SHTN1: variants seen among roughly 807,000 people sequenced by gnomAD.
The protein encoded by SHTN1 is shootin-1.
Under a neutral mutation model 83.1 loss-of-function variants are expected in SHTN1, and 42 were observed. The ratio of observed to expected loss-of-function variants is 0.51; its 90% CI spans 0.39 to 0.65. The LOEUF is 0.65. SHTN1 is among the 30% of genes least tolerant of loss of function. The probability of loss-of-function intolerance (pLI) is 0.00; values close to 1 mark genes in which losing one functional copy is unlikely to be tolerated. For missense variants in SHTN1, 622 were observed against 737.8 expected, an observed-to-expected ratio of 0.84 and a Z score of 1.82; for synonymous variants, 224 against 247.7, an observed-to-expected ratio of 0.90 and a Z score of 0.90.
At chr10:117,015,135 A>G (rs576296075) in intron 2 of SHTN1, among the ~76,000 whole-genome samples, 30 of 152,020 alleles carry the variant, frequency 2.0e-4, no homozygotes, top group Admixed American at 7.9e-4. Context: ...TTTGTAACAG[A>G]TATCTGTTTC....
chr10:116,982,194 G>C (rs754782482), intron 1 of SHTN1, among the ~76,000 whole-genome samples: 7 of 152,082 alleles, frequency 4.6e-5, no homozygotes, highest in Non-Finnish European at 7.3e-5. Context: ...ACTGACAATA[G>C]AACCCAGATG....
chr10:117,011,613 A>G, intron 2 of SHTN1, among the ~76,000 whole-genome samples: 1 of 152,246 alleles, frequency 6.6e-6, no homozygotes, highest in East Asian at 1.9e-4. Flanking sequence ...GATGCTCAAC[A>G]TCATTAGTCA....
At chr10:116,971,808 G>C (rs1850629480) in intron 2 of SHTN1, among the ~76,000 whole-genome samples, 2 of 152,190 alleles carry the variant, frequency 1.3e-5, no homozygotes, top group African/African-American at 2.4e-5. Flanking sequence ...TGGGAGTGTT[G>C]CTCCTGACTT....
chr10:116,995,102 C>T (rs1488129498), intron 1 of SHTN1, among the ~76,000 whole-genome samples: 1 of 152,088 alleles, frequency 6.6e-6, no homozygotes, highest in Non-Finnish European at 1.5e-5. Flanking sequence ...TAATGAACTC[C>T]CATCAGATCT....
intron 1 of SHTN1, among the ~76,000 whole-genome samples, chr10:117,098,226 A>T (rs1168942101): frequency 5.3e-4 from 2 of 3,758 alleles, no homozygotes; most frequent in Admixed American, 0.019. Flanking sequence ...GTCTCTACTA[A>T]AAAAAAAAAA....
At chr10:117,009,248 TGAA>T (rs1265484617), upstream of SHTN1, among the ~76,000 whole-genome samples, 6 of 151,816 alleles carry the variant, frequency 4.0e-5, no homozygotes, top group Non-Finnish European at 8.8e-5. Context: ...ATGAAGCAAA[TGAA>T]GAGCAAAAGA....
chr10:116,921,342 A>G, intron 12 of SHTN1, 92 bp downstream of exon 12: 1 of 862,046 alleles, frequency 1.2e-6, no homozygotes. Context: ...CTCTCCCAAC[A>G]ACATGTTTAT....
At chr10:117,013,402 G>T (rs940480328) in intron 2 of SHTN1, among the ~76,000 whole-genome samples, 4 of 152,262 alleles carry the variant, frequency 2.6e-5, no homozygotes, top group Non-Finnish European at 5.9e-5. Context: ...TCAAACTCTT[G>T]ATCTCAGGTG....
intron 15 of SHTN1, among the ~76,000 whole-genome samples, chr10:116,904,927 C>T (rs1481650962): frequency 2.0e-5 from 3 of 151,930 alleles, no homozygotes; most frequent in East Asian, 1.9e-4. Context: ...GTTGGCCGGG[C>T]GCGGTGGCTC....
At chr10:116,932,914 C>T (rs1849022705) in intron 9 of SHTN1, among the ~76,000 whole-genome samples, 1 of 152,174 alleles carries the variant, frequency 6.6e-6, no homozygotes, top group South Asian at 2.1e-4. Flanking sequence ...GTATTATTTA[C>T]TAAATGATTT....
chr10:116,981,208 A>G (rs1417723083), intron 1 of SHTN1, among the ~76,000 whole-genome samples: 4 of 152,190 alleles, frequency 2.6e-5, no homozygotes, highest in Non-Finnish European at 5.9e-5. Context: ...AGTCCCAGAT[A>G]CTTGGGAGGC....
At chr10:117,005,301 G>C, upstream of SHTN1, 5 of 1,418,578 alleles carry the variant, frequency 3.5e-6, no homozygotes, top group Non-Finnish European at 4.6e-6. Flanking sequence ...GGGGCGGGGC[G>C]GGCCCAGCAG....
intron 9 of SHTN1, among the ~76,000 whole-genome samples, chr10:116,934,671 T>G (rs557758063): frequency 2.0e-5 from 3 of 152,194 alleles, no homozygotes; most frequent in African/African-American, 4.8e-5. Context: ...CAGTTCCATA[T>G]GAAATTTAAA....
Position 117,085,258 on chromosome 10 carries a change from T to C in SHTN1, c.-188-36748A>G, listed in dbSNP as rs533143392. ...ATTATCGATTTTGGACCTTCCTTCTTTTCTCATATATGCACTCAATGCTAT... is the reference window on the plus strand; with the variant it reads ...ATTATCGATTTTGGACCTTCCTTCTCTTCTCATATATGCACTCAATGCTAT... On this transcript the variant is annotated intron_variant, in intron 1 of 17. Transcript: ENST00000392901. Among the ~76,000 whole-genome samples the C allele has an allele frequency of 5.9e-5, 9 of 152,316 alleles. No homozygotes were observed. In the South Asian group the frequency reaches 1.9e-3, roughly 32 times the overall value.
intron 6 of SHTN1, among the ~76,000 whole-genome samples, chr10:116,950,099 C>T (rs1188103052): frequency 6.6e-6 from 1 of 152,062 alleles, no homozygotes; most frequent in Non-Finnish European, 1.5e-5. Flanking sequence ...AAGAGTTACA[C>T]CAGGGCTTTC....
At chr10:116,991,162 G>A (rs939122276) in intron 1 of SHTN1, among the ~76,000 whole-genome samples, 2 of 151,942 alleles carry the variant, frequency 1.3e-5, no homozygotes, top group East Asian at 2.0e-4. Flanking sequence ...CTCCAGCCTG[G>A]GCGACAGAGC....
intron 1 of SHTN1, among the ~76,000 whole-genome samples, chr10:116,995,623 T>A (rs1354637339): frequency 6.6e-6 from 1 of 152,176 alleles, no homozygotes; most frequent in East Asian, 1.9e-4. Context: ...ATATAGGCAT[T>A]TGCATAAGTT....
intron 1 of SHTN1, among the ~76,000 whole-genome samples, chr10:117,050,900 A>G: frequency 6.6e-6 from 1 of 152,056 alleles, no homozygotes. Flanking sequence ...AAAAAAATAA[A>G]AATAAAAATT....
chr10:116,974,144 T>C (rs1850711581), intron 2 of SHTN1: 3 of 1,048,396 alleles, frequency 2.9e-6, no homozygotes, highest in Non-Finnish European at 3.5e-6. Context: ...TCTTGCAGCA[T>C]TCTCCAAATT....
Sources: allele counts gnomAD v4.1 joint callset (sites outside exome capture counted in the v4.1 genomes callset), GRCh38; gene constraint gnomAD v4.1.1; transcripts MANE v1.5; gene names NCBI Gene and HGNC (gene_info 2026-07-23, HGNC 2026-07-21).